The following SHLD1 variants were observed in gnomAD, a reference collection of about 807,000 sequenced individuals.
The protein encoded by SHLD1 is shieldin complex subunit 1, also known as RINN1-REV7-interacting novel NHEJ regulator 3.
A neutral mutation model predicts 5.5 loss-of-function variants in SHLD1; 3 were observed. The ratio of observed to expected loss-of-function variants is 0.54; its 90% CI spans 0.25 to 1.40. SHLD1 has a LOEUF of 1.40. Ranked by LOEUF, SHLD1 falls within the 40% of genes most tolerant of loss-of-function variation. The pLI, the probability that SHLD1 is intolerant of heterozygous loss-of-function variation, is 0.15. For synonymous variants in SHLD1, 92 were observed against 94.3 expected (o/e 0.98, Z 0.14); for missense variants, 210 against 244.4 (o/e 0.86, Z 0.94).
chr20:5,857,188 C>A (rs1211206062), intron 2 of SHLD1, among the ~76,000 whole-genome samples: 1 of 152,194 alleles, frequency 6.6e-6, no homozygotes, highest in East Asian at 1.9e-4. Flanking sequence ...GTTGGCCAGG[C>A]TGGTCTCTAA....
intron 2 of SHLD1, among the ~76,000 whole-genome samples, chr20:5,788,379 G>A (rs1003078143): frequency 6.6e-6 from 1 of 152,184 alleles, no homozygotes; most frequent in Non-Finnish European, 1.5e-5. Flanking sequence ...ATGAGGAAGT[G>A]ACCCTCAGAC....
intron 2 of SHLD1, among the ~76,000 whole-genome samples, chr20:5,826,251 C>G (rs979599006): frequency 6.6e-6 from 1 of 152,136 alleles, no homozygotes; most frequent in East Asian, 1.9e-4. Flanking sequence ...AAAAAATTAT[C>G]TAGTTTTATC....
chr20:5,761,972 A>T (rs938623568), intron 1 of SHLD1, among the ~76,000 whole-genome samples: 6 of 151,602 alleles, frequency 4.0e-5, no homozygotes, highest in African/African-American at 1.5e-4. Flanking sequence ...TTTTCACTAA[A>T]AATTACAGGT....
At chr20:5,817,256 T>C (rs2087541606) in intron 2 of SHLD1, among the ~76,000 whole-genome samples, 1 of 152,186 alleles carries the variant, frequency 6.6e-6, no homozygotes. Flanking sequence ...ATGCTGGACT[T>C]AGTGATATTA....
intron 2 of SHLD1, among the ~76,000 whole-genome samples, chr20:5,777,072 T>A (rs897371036): frequency 6.0e-5 from 9 of 151,050 alleles, no homozygotes; most frequent in African/African-American, 1.9e-4. Context: ...CACTGCAACC[T>A]CCACCTCCCT....
chr20:5,759,272 T>C (rs1984324024), intron 1 of SHLD1, among the ~76,000 whole-genome samples: 1 of 148,334 alleles, frequency 6.7e-6, no homozygotes, highest in Non-Finnish European at 1.5e-5. Context: ...TTTTAATTAA[T>C]TTTTTTTTTG....
At chr20:5,790,354 A>G (rs978463646) in intron 2 of SHLD1, among the ~76,000 whole-genome samples, 1 of 152,178 alleles carries the variant, frequency 6.6e-6, no homozygotes, top group Non-Finnish European at 1.5e-5. Context: ...AGATAAACCA[A>G]ACAGATCAAA....
At chr20:5,792,788 C>T (rs368535782) in intron 2 of SHLD1, among the ~76,000 whole-genome samples, 19 of 152,148 alleles carry the variant, frequency 1.2e-4, no homozygotes, top group African/African-American at 4.6e-4. Flanking sequence ...ATTCATGTGC[C>T]TCAGCCTCCC....
rs187915672 is a variant in SHLD1 at position 5,831,826 on chromosome 20, A to G, written c.179-31198A>G. Among the ~76,000 whole-genome samples the G allele has an allele frequency of 7.6e-4, 116 of 152,322 alleles. 1 individual carries two copies. Among genetic ancestry groups the G allele is most frequent in the Admixed American group, 7.6e-3 (116 of 15,302 alleles). ...AAAAAAGCACAAAGAAGAAAAAGGT[A>G]AACACTCATAATCCTTCTACAGAGG... On this transcript the variant is annotated intron_variant, in intron 2 of 2. Transcript: ENST00000303142.
intron 2 of SHLD1, among the ~76,000 whole-genome samples, chr20:5,830,980 A>G (rs2087722735): frequency 6.6e-6 from 1 of 152,146 alleles, no homozygotes; most frequent in South Asian, 2.1e-4. Flanking sequence ...AGGCACTTTG[A>G]TATACGCACG....
At chr20:5,790,451 C>CTT (rs71197798) in intron 2 of SHLD1, among the ~76,000 whole-genome samples, 1 of 91,120 alleles carries the variant, frequency 1.1e-5, no homozygotes. Flanking sequence ...TAAAGGATTT[C>CTT]TTTTTTTTTT....
intron 1 of SHLD1, among the ~76,000 whole-genome samples, chr20:5,757,665 C>G (rs1380860044): frequency 6.6e-6 from 1 of 152,058 alleles, no homozygotes; most frequent in Non-Finnish European, 1.5e-5. Flanking sequence ...TGCAGTGGCA[C>G]CAACTCTGCT....
At chr20:5,836,075 C>T (rs909299056) in intron 2 of SHLD1, among the ~76,000 whole-genome samples, 5 of 150,934 alleles carry the variant, frequency 3.3e-5, no homozygotes, top group African/African-American at 2.4e-5. Flanking sequence ...TTTTTTTTCT[C>T]GTTGCCTTGA....
rs1424850584 is a variant in SHLD1 at position 5,806,284 on chromosome 20, CTG to C, written c.178+33243_178+33244del. ...GAATCTCCACCCACAAACTTTAAAA[CTG>C]TTGCTTACGCATCATGCTATTGGTC... On this transcript the variant is annotated intron_variant, in intron 2 of 2. Transcript: ENST00000303142. The surrounding 1 kb of genome is among the most constrained non-coding windows in gnomAD (Gnocchi z 7.6). 6.6e-6 allele frequency among the ~76,000 whole-genome samples: 1 copy of C among 152,220 alleles called. No homozygotes were observed. The highest frequency in any genetic ancestry group is 1.5e-5 in the Non-Finnish European group (1 of 68,048).
intron 2 of SHLD1, among the ~76,000 whole-genome samples, chr20:5,796,325 T>C (rs528015799): frequency 6.6e-6 from 1 of 152,250 alleles, no homozygotes; most frequent in South Asian, 2.1e-4. Context: ...ATTAATGTTA[T>C]TAATATATTA....
At chr20:5,766,715 C>G (rs1318956015) in intron 1 of SHLD1, among the ~76,000 whole-genome samples, 1 of 152,096 alleles carries the variant, frequency 6.6e-6, no homozygotes, top group Non-Finnish European at 1.5e-5. Flanking sequence ...GGGAACTACT[C>G]TTATGATTAC....
chr20:5,784,243 T>A (rs1343275527), intron 2 of SHLD1, among the ~76,000 whole-genome samples: 3 of 151,238 alleles, frequency 2.0e-5, no homozygotes, highest in Admixed American at 2.0e-4. Context: ...ATGAAGAAAA[T>A]CACCCAAGGC....
At chr20:5,767,093 G>A (rs1984873501) in intron 1 of SHLD1, among the ~76,000 whole-genome samples, 1 of 151,782 alleles carries the variant, frequency 6.6e-6, no homozygotes, top group South Asian at 2.1e-4. Flanking sequence ...TTGACTCTCA[G>A]CTCCTCTTTA....
intron 2 of SHLD1, among the ~76,000 whole-genome samples, chr20:5,795,777 C>T (rs942941530): frequency 6.6e-6 from 1 of 151,652 alleles, no homozygotes; most frequent in Admixed American, 6.6e-5. Context: ...GTCAGGAGAT[C>T]GAGACCATCC....
Sources: gnomAD v4.1 joint callset for allele counts (sites outside exome capture counted in the v4.1 genomes callset) on GRCh38, gnomAD v4.1.1 for gene constraint, Gnocchi (gnomAD v3.1) non-coding constraint, MANE v1.5 for transcripts, NCBI Gene and HGNC (gene_info 2026-07-23, HGNC 2026-07-21) for gene names.